Variants in NAA30 observed in about 807,000 individuals in gnomAD.
NAA30 encodes the protein N-alpha-acetyltransferase 30, NatC catalytic subunit, also known as N-alpha-acetyltransferase 30.
In NAA30, 5 loss-of-function variants were observed where a neutral mutation model predicts 31.4. The ratio of observed to expected loss-of-function variants is 0.16; its 90% CI spans 0.08 to 0.33. The LOEUF is 0.33. NAA30 is among the 10% of genes least tolerant of loss of function. NAA30 has a pLI of 1.00. For missense variants in NAA30, 428 were observed against 490.8 expected, an observed-to-expected ratio of 0.87 and a Z score of 1.21; for synonymous variants, 222 against 207.1, an observed-to-expected ratio of 1.07 and a Z score of -0.62.
intron 4 of NAA30, among the ~76,000 whole-genome samples, chr14:57,407,385 A>G (rs1224465380): frequency 8.5e-5 from 13 of 152,204 alleles, no homozygotes; most frequent in Admixed American, 8.5e-4. Flanking sequence ...GCTAGGAGAG[A>G]TGACATACCA....
At chr14:57,399,928 C>A (rs1342702939) in intron 4 of NAA30, 45 bp downstream of exon 4, 2 of 886,612 alleles carry the variant, frequency 2.3e-6, no homozygotes, top group East Asian at 2.5e-5. Context: ...GGGCATTATT[C>A]TTTCTGGGTA....
At chr14:57,398,523 T>C (rs1011819842) in intron 3 of NAA30, among the ~76,000 whole-genome samples, 8 of 152,162 alleles carry the variant, frequency 5.3e-5, no homozygotes, top group Admixed American at 6.5e-5. Flanking sequence ...AGTGGTGTGA[T>C]CCCGGCTCAC....
chr14:57,402,541 G>T (rs1248748274), intron 4 of NAA30, among the ~76,000 whole-genome samples: 9 of 151,972 alleles, frequency 5.9e-5, no homozygotes. Context: ...TGAACTTTCT[G>T]TGTGCTTTCT....
chr14:57,403,730 C>T (rs549853498), intron 4 of NAA30, among the ~76,000 whole-genome samples: 1 of 152,256 alleles, frequency 6.6e-6, no homozygotes, highest in Non-Finnish European at 1.5e-5. Context: ...GGACAAGTAT[C>T]TCAGGTTCAT....
chr14:57,399,908 T>G, intron 4 of NAA30, 25 bp downstream of exon 4: 1 of 1,086,996 alleles, frequency 9.2e-7, no homozygotes, highest in Non-Finnish European at 1.4e-6. Flanking sequence ...ATGTTTAATA[T>G]TTTTTATCTG....
At position 57,391,339 on chromosome 14, in the gene NAA30, A is replaced by G. The variant is rs140569946; in HGVS notation, c.382A>G (p.Lys128Glu). The G allele has an allele frequency of 4.5e-4, 721 of 1,611,930 alleles. 2 individuals carry two copies. In the African/African-American group the frequency reaches 8.7e-3, roughly 20 times the overall value. ...PDGGPRATATKGAGVHSGERP... is the reference protein window; with the variant it reads ...PDGGPRATATEGAGVHSGERP... ...CGGAGGCCCCAGAGCGACTGCAACA[A>G]AAGGAGCCGGGGTACACTCGGGCGA... The change falls in exon 2 of 5, where the codon AAA (lysine) becomes GAA (glutamate). Residue 128 changes from lysine (K) to glutamate (E), a missense_variant. Around this residue, in one of 2 missense-constraint regions of NAA30, gnomAD observed 349 missense variants for 310.4 expected, o/e 1.12. Transcript: ENST00000556492. This position sits in a 1 kb window ranked among gnomAD's most constrained non-coding sequence, Gnocchi z 4.1.
At chr14:57,405,253 A>G (rs981849929) in intron 4 of NAA30, among the ~76,000 whole-genome samples, 12 of 152,270 alleles carry the variant, frequency 7.9e-5, no homozygotes, top group East Asian at 1.9e-4. Context: ...AGGAGCCAAG[A>G]AGATCTAAGT....
Position 57,412,198 on chromosome 14 carries a change from G to C in NAA30, c.*2682G>C, listed in dbSNP as rs2066526602. ...TCCACAGATCAGAAACCAGACGGTAGTTTTTGAAGTTGAAACCAGCAAAAT... is the reference window on the plus strand; with the variant it reads ...TCCACAGATCAGAAACCAGACGGTACTTTTTGAAGTTGAAACCAGCAAAAT... On this transcript the variant is annotated 3_prime_UTR_variant, in exon 5 of 5. Coordinates refer to ENST00000556492, the MANE Select transcript of NAA30 (RefSeq NM_001011713.3). 6.6e-6 allele frequency: 1 copy of C among 152,172 alleles called. No homozygotes were observed. Among genetic ancestry groups the C allele is most frequent in the African/African-American group, 2.4e-5 (1 of 41,462 alleles). 9.4% of individuals were successfully genotyped at this position (152,172 alleles called of 1,614,324 possible). A position where few individuals can be genotyped will look rare whatever the true frequency, so the allele number is the denominator to read the frequency against.
intron 3 of NAA30, among the ~76,000 whole-genome samples, chr14:57,397,267 G>A (rs1471325662): frequency 6.6e-6 from 1 of 152,114 alleles, no homozygotes; most frequent in Non-Finnish European, 1.5e-5. Context: ...CCTCAATCAA[G>A]CCAAAATTAT....
In NAA30 at chr14:57,411,092, T is replaced by G. The variant is rs1488720800; in HGVS notation, c.*1576T>G. The G allele has an allele frequency of 1.3e-5, 2 of 152,304 alleles. No individual in the cohort carries two copies. The highest frequency in any genetic ancestry group is 1.9e-4 in the East Asian group (1 of 5,204). 9.4% of individuals were successfully genotyped at this position (152,304 alleles called of 1,614,324 possible). A position where few individuals can be genotyped will look rare whatever the true frequency, so the allele number is the denominator to read the frequency against. ...TTTTTTTTTAAAGGAAAGCTGCTCT[T>G]TGCTCAGTATAGTGTTTTGAAAGTG... On this transcript the variant is annotated 3_prime_UTR_variant, in exon 5 of 5. Transcript: ENST00000556492.
intron 4 of NAA30, among the ~76,000 whole-genome samples, chr14:57,405,649 C>T (rs1041960483): frequency 1.3e-5 from 2 of 152,090 alleles, no homozygotes; most frequent in Non-Finnish European, 2.9e-5. Context: ...TCTGGTCTCT[C>T]TCTTTGTCTA....
chr14:57,407,208 T>C (rs1464702767), intron 4 of NAA30, among the ~76,000 whole-genome samples: 1 of 152,184 alleles, frequency 6.6e-6, no homozygotes, highest in Non-Finnish European at 1.5e-5. Flanking sequence ...TTTTTTTAAG[T>C]GCAGAGAGAA....
rs972389609 is a variant in NAA30 at position 57,410,426 on chromosome 14, G to A, written c.*910G>A. The stretch of plus-strand genomic sequence containing the variant: ...GTAAGGGAAGTTTTGGAAAAGAATA[G>A]AAAATTAGTGTAAGTTGATATGATT... On this transcript the variant is annotated 3_prime_UTR_variant, in exon 5 of 5. Coordinates refer to ENST00000556492, the MANE Select transcript of NAA30 (RefSeq NM_001011713.3). 6.6e-6 allele frequency: 1 copy of A among 152,552 alleles called. No homozygotes were observed. The highest frequency in any genetic ancestry group is 1.9e-4 in the East Asian group (1 of 5,198). The allele number at this position is 152,552 out of a possible 1,614,324, so 9.4% of individuals were successfully genotyped here.
rs564480039 is a variant in NAA30 at position 57,409,303 on chromosome 14, T to A, written c.952-76T>A. 1.7e-4 allele frequency: 199 copies of A among 1,196,314 alleles called. 1 individual carries two copies. The African/African-American group carries it at 1.7e-3, about 10-fold the overall frequency. 74.1% of individuals were successfully genotyped at this position (1,196,314 alleles called of 1,614,324 possible). A position where few individuals can be genotyped will look rare whatever the true frequency, so the allele number is the denominator to read the frequency against. On this transcript the variant is annotated intron_variant, in intron 4 of 4. Transcript: ENST00000556492. ...ATTTTTAAAATAATGTATGATTTTT[T>A]AAAAAATTGTTTAGTTGGTAAATTA... is the stretch of plus-strand genomic sequence containing the variant.
At position 57,412,314 on chromosome 14, in the gene NAA30, GT is replaced by G. The variant is rs970854835; in HGVS notation, c.*2804del. ...TCGACAAATCTATGTAAAGCAGTTTGTTTTTTCATGTTTTAACTTTACCTTG... is the reference window on the plus strand; with the variant it reads ...TCGACAAATCTATGTAAAGCAGTTTGTTTTTCATGTTTTAACTTTACCTTG... On this transcript the variant is annotated 3_prime_UTR_variant, in exon 5 of 5. Coordinates refer to ENST00000556492, the MANE Select transcript of NAA30 (RefSeq NM_001011713.3). The G allele has an allele frequency of 6.6e-6, 1 of 152,108 alleles. No homozygotes were observed. The highest frequency in any genetic ancestry group is 1.5e-5 in the Non-Finnish European group (1 of 67,994). The allele number at this position is 152,108 out of a possible 1,614,324, so 9.4% of individuals were successfully genotyped here. A position where few individuals can be genotyped will look rare whatever the true frequency, so the allele number is the denominator to read the frequency against.
Position 57,409,534 on chromosome 14 carries a change from A to G in NAA30, c.*18A>G, listed in dbSNP as rs779938134. ...TGCGTTGAGAAACTGACATCAAGGA[A>G]CAACTATCATCCGCACAGAATCGAC... is the stretch of plus-strand genomic sequence containing the variant. On this transcript the variant is annotated 3_prime_UTR_variant, in exon 5 of 5. Coordinates refer to ENST00000556492, the MANE Select transcript of NAA30 (RefSeq NM_001011713.3). The G allele has an allele frequency of 1.3e-6, 2 of 1,592,910 alleles. No individual in the cohort carries two copies. Among genetic ancestry groups the G allele is most frequent in the Non-Finnish European group, 1.7e-6 (2 of 1,173,144 alleles).
intron 3 of NAA30, among the ~76,000 whole-genome samples, chr14:57,398,418 C>T (rs949008502): frequency 3.3e-5 from 5 of 152,102 alleles, no homozygotes; most frequent in Non-Finnish European, 7.4e-5. Context: ...AAAATGCGTG[C>T]ATACTTGTAT....
chr14:57,412,652 T>C lies in NAA30; in HGVS notation c.*3136T>C, dbSNP rs1303649601. ...TGGATATTGCTGCATAATTTTCTTCTATTGTCCCATATCCTTTTGGAGAGA... is the reference window on the plus strand; with the variant it reads ...TGGATATTGCTGCATAATTTTCTTCCATTGTCCCATATCCTTTTGGAGAGA... On this transcript the variant is annotated 3_prime_UTR_variant, in exon 5 of 5. Coordinates refer to ENST00000556492, the MANE Select transcript of NAA30 (RefSeq NM_001011713.3). The C allele has an allele frequency of 2.2e-5, 3 of 137,780 alleles. No individual in the cohort carries two copies. Among genetic ancestry groups the C allele is most frequent in the Admixed American group, 6.8e-5 (1 of 14,678 alleles). 8.5% of individuals were successfully genotyped at this position (137,780 alleles called of 1,614,324 possible).
intron 2 of NAA30, 129 bp from the exon 3 acceptor site, chr14:57,396,623 G>A: frequency 1.2e-6 from 1 of 855,200 alleles, no homozygotes; most frequent in Non-Finnish European, 1.9e-6. Context: ...TGTGACTGCT[G>A]TCTTGCAAGA....
Sources: allele counts gnomAD v4.1 joint callset (sites outside exome capture counted in the v4.1 genomes callset), GRCh38; gene constraint gnomAD v4.1.1; regional missense constraint gnomAD v4.1.1; non-coding constraint Gnocchi (gnomAD v3.1); transcripts MANE v1.5; gene names NCBI Gene and HGNC (gene_info 2026-07-23, HGNC 2026-07-21).